Variants in SEC61A2 observed in about 807,000 individuals in gnomAD.
SEC61A2 encodes the protein SEC61 translocon subunit alpha 2, also known as protein transport protein Sec61 subunit alpha isoform 2.
SEC61A2 carries 28 observed loss-of-function variants against 59.9 expected under a neutral mutation model. That is an observed-to-expected ratio of 0.47 (90% CI 0.35 to 0.64). The LOEUF is 0.64. Among genes scored for constraint, SEC61A2 ranks in the 30% least tolerant of loss-of-function variants. The probability of loss-of-function intolerance (pLI) is 0.01; values close to 1 mark genes in which losing one functional copy is unlikely to be tolerated. For missense variants in SEC61A2, 340 were observed against 585.9 expected, an observed-to-expected ratio of 0.58 and a Z score of 4.33; for synonymous variants, 202 against 214.4, an observed-to-expected ratio of 0.94 and a Z score of 0.50.
rs760913947 is a variant in SEC61A2 at position 12,133,196 on chromosome 10, T to G, written c.8-45T>G. ...ATTTTCTAGAAAGACAGATCTTTTT[T>G]TAACTTCATAATAATAGGAACATTT... On this transcript the variant is annotated intron_variant, in intron 1 of 11. Transcript: ENST00000298428. The G allele has an allele frequency of 1.3e-5, 13 of 979,108 alleles. No individual in the cohort carries two copies. The South Asian group carries it at 1.8e-4, about 13-fold the overall frequency. 60.7% of individuals were successfully genotyped at this position (979,108 alleles called of 1,614,324 possible). A position where few individuals can be genotyped will look rare whatever the true frequency, so the allele number is the denominator to read the frequency against.
downstream of SEC61A2, chr10:12,169,727 A>G (rs985753642): frequency 4.5e-6 from 1 of 223,652 alleles, no homozygotes; most frequent in East Asian, 1.0e-4. This position sits in a 1 kb window ranked among gnomAD's most constrained non-coding sequence, Gnocchi z 4.8. Flanking sequence ...CAGCCTTTGA[A>G]AGACACATTC....
chr10:12,167,173 T>A (rs1167988816), downstream of SEC61A2: 2 of 159,418 alleles, frequency 1.3e-5, no homozygotes, highest in African/African-American at 4.8e-5. Context: ...TAGAGGATTC[T>A]ATCGAACCCT....
rs1457353681 is a variant in SEC61A2 at position 12,160,067 on chromosome 10, G to A, written c.976-863G>A. ...CGAGGACAGGAAAGTCAAGAGACAGGAATAAGAAGAATGCTGTTTCTGCCC... is the reference window on the plus strand; with the variant it reads ...CGAGGACAGGAAAGTCAAGAGACAGAAATAAGAAGAATGCTGTTTCTGCCC... On this transcript the variant is annotated intron_variant, in intron 9 of 11. Transcript: ENST00000298428. The surrounding 1 kb of genome is among the most constrained non-coding windows in gnomAD (Gnocchi z 4.1). Among the ~76,000 whole-genome samples the A allele has an allele frequency of 6.6e-6, 1 of 152,092 alleles. No homozygotes were observed. The highest frequency in any genetic ancestry group is 2.4e-5 in the African/African-American group (1 of 41,382).
At position 12,154,450 on chromosome 10, in the gene SEC61A2, T is replaced by C. The variant is rs1383537639; in HGVS notation, c.463-1328T>C. On this transcript the variant is annotated intron_variant, in intron 6 of 11. Transcript: ENST00000298428. The surrounding 1 kb of genome is among the most constrained non-coding windows in gnomAD (Gnocchi z 5.2). ...CGATGCTTTCTGTGGCTGATGTTCA[T>C]GGACGGCTGTTGCCTCCTGCATAGG... is the stretch of plus-strand genomic sequence containing the variant. Among the ~76,000 whole-genome samples the C allele has an allele frequency of 6.6e-6, 1 of 152,196 alleles. No homozygotes were observed. The highest frequency in any genetic ancestry group is 2.4e-5 in the African/African-American group (1 of 41,448).
chr10:12,169,208 C>A, downstream of SEC61A2: 1 of 1,254,566 alleles, frequency 8.0e-7, no homozygotes, highest in Non-Finnish European at 1.1e-6. The surrounding 1 kb of genome is among the most constrained non-coding windows in gnomAD (Gnocchi z 4.8). Flanking sequence ...CCATAGTAGC[C>A]CTCTCTCCAC....
chr10:12,130,439 G>A (rs939066971), intron 1 of SEC61A2, among the ~76,000 whole-genome samples: 1 of 152,118 alleles, frequency 6.6e-6, no homozygotes, highest in African/African-American at 2.4e-5. Flanking sequence ...ATGATGGGTC[G>A]TGCATACCCA....
Position 12,153,801 on chromosome 10 carries a change from C to A in SEC61A2, c.463-1977C>A, listed in dbSNP as rs1834337157. On this transcript the variant is annotated intron_variant, in intron 6 of 11. Transcript: ENST00000298428. This position sits in a 1 kb window ranked among gnomAD's most constrained non-coding sequence, Gnocchi z 5.2. Reference sequence around the variant, plus strand: ...GCTATGATTGGATCAGTGTGTTTCACCCAGAAACATAGGTTTTGAAAACTG... The same window carrying A: ...GCTATGATTGGATCAGTGTGTTTCAACCAGAAACATAGGTTTTGAAAACTG... 1 of 1,603,198 alleles carries A rather than the reference C, an allele frequency of 6.2e-7. No individual in the cohort carries two copies. The highest frequency in any genetic ancestry group is 8.5e-7 in the Non-Finnish European group (1 of 1,176,026).
chr10:12,139,583 G>A (rs1335838509), intron 3 of SEC61A2, among the ~76,000 whole-genome samples: 1 of 152,030 alleles, frequency 6.6e-6, no homozygotes, highest in South Asian at 2.1e-4. Context: ...AGGAGATCGA[G>A]ACCATCCTGG....
At position 12,145,243 on chromosome 10, in the gene SEC61A2, G is replaced by GT. The variant is rs144631095; in HGVS notation, c.220+2055dup. ...AGGTTCCTTTCTTGTCATATATTAC[G>GT]TTTTTTTCCCCCCGATTTTATATCA... On this transcript the variant is annotated intron_variant, in intron 4 of 11. Transcript: ENST00000298428. The surrounding 1 kb of genome is among the most constrained non-coding windows in gnomAD (Gnocchi z 4.4). Among the ~76,000 whole-genome samples the GT allele has an allele frequency of 0.016, 2,456 of 152,046 alleles. 71 individuals carry two copies. Among genetic ancestry groups the GT allele is most frequent in the East Asian group, 0.11 (565 of 5,182 alleles).
Position 12,143,243 on chromosome 10 carries a change from T to C in SEC61A2, c.220+48T>C, listed in dbSNP as rs1234884320. On this transcript the variant is annotated intron_variant, in intron 4 of 11. Transcript: ENST00000298428. This position sits in a 1 kb window ranked among gnomAD's most constrained non-coding sequence, Gnocchi z 4.8. ...CACACTCCTACTCACAGCAAACAGA[T>C]GGAAACATGTGGATTAGCAATGAGT... 1.6e-6 allele frequency: 2 copies of C among 1,284,424 alleles called. No individual in the cohort carries two copies. Among genetic ancestry groups the C allele is most frequent in the Non-Finnish European group, 2.3e-6 (2 of 879,810 alleles). The allele number at this position is 1,284,424 out of a possible 1,614,324, so 79.6% of individuals were successfully genotyped here.
chr10:12,152,807 G>A lies in SEC61A2; in HGVS notation c.462+2846G>A, dbSNP rs776082171. Among the ~76,000 whole-genome samples the A allele has an allele frequency of 6.6e-6, 1 of 151,936 alleles. No homozygotes were observed. Among genetic ancestry groups the A allele is most frequent in the Non-Finnish European group, 1.5e-5 (1 of 67,852 alleles). On this transcript the variant is annotated intron_variant, in intron 6 of 11. Transcript: ENST00000298428. This position sits in a 1 kb window ranked among gnomAD's most constrained non-coding sequence, Gnocchi z 5.5. ...ATTTGGGAGGCTGAGGCCGAACCCA[G>A]GAGGCGGAGGTTGCAGTGAGCTGAG...
At chr10:12,163,811 T>C (rs1198946253) in intron 11 of SEC61A2, among the ~76,000 whole-genome samples, 1 of 152,204 alleles carries the variant, frequency 6.6e-6, no homozygotes, top group Non-Finnish European at 1.5e-5. Flanking sequence ...CTCTAATCTT[T>C]TTTGAGTATT....
intron 3 of SEC61A2, among the ~76,000 whole-genome samples, chr10:12,139,770 C>T (rs1588632460): frequency 6.6e-6 from 1 of 151,686 alleles, no homozygotes; most frequent in African/African-American, 2.4e-5. Context: ...GGCGACAGAG[C>T]GAGACTCCGT....
chr10:12,159,757 G>C (rs554520418), intron 9 of SEC61A2, among the ~76,000 whole-genome samples: 8 of 152,180 alleles, frequency 5.3e-5, no homozygotes, highest in Non-Finnish European at 1.0e-4. Context: ...TCTAGAATTT[G>C]CACCCCACCA....
In SEC61A2 at chr10:12,164,423, A is replaced by C. The variant is rs2131686077; in HGVS notation, c.1400A>C (p.Glu467Ala). Residue 467 changes from glutamate to alanine, a missense_variant, in exon 12 of 12, where the codon GAA becomes GCA. By Grantham distance (107) the Glu-to-Ala change is moderately radical (BLOSUM62 -1). This residue lies in a region of SEC61A2 where 283 missense variants were observed against 483.2 expected (regional missense o/e 0.59). Transcript: ENST00000298428. This position sits in a 1 kb window ranked among gnomAD's most constrained non-coding sequence, Gnocchi z 7.3. ...YFEIFVKEQA[E>A]VGGMGALFF ...GAAATATTTGTTAAAGAACAGGCCGAAGTTGGTGGGATGGGTGCTTTGTTT... is the reference window on the plus strand; with the variant it reads ...GAAATATTTGTTAAAGAACAGGCCGCAGTTGGTGGGATGGGTGCTTTGTTT... 6.2e-7 allele frequency: 1 copy of C among 1,613,196 alleles called. No individual in the cohort carries two copies. The highest frequency in any genetic ancestry group is 8.5e-7 in the Non-Finnish European group (1 of 1,179,622).
intron 8 of SEC61A2, 112 bp downstream of exon 8, chr10:12,157,179 G>C: frequency 1.8e-6 from 2 of 1,101,406 alleles, no homozygotes; most frequent in South Asian, 3.2e-5. Flanking sequence ...AAGATCAAGG[G>C]AAATAAAATT....
rs902177179 is a variant in SEC61A2, at chr10:12,165,403, T to C, written c.*949T>C. ...TTGGAAAAAATAAAGAAATCTGATA[T>C]TAAACGTTTTCTAAGATCATTTGTA... On this transcript the variant is annotated 3_prime_UTR_variant, in exon 12 of 12. Coordinates refer to ENST00000298428, the MANE Select transcript of SEC61A2 (RefSeq NM_018144.4). The C allele has an allele frequency of 7.4e-6, 7 of 950,298 alleles. No homozygotes were observed. Among genetic ancestry groups the C allele is most frequent in the African/African-American group, 3.5e-5 (2 of 56,472 alleles). The allele number at this position is 950,298 out of a possible 1,614,324, so 58.9% of individuals were successfully genotyped here. A position where few individuals can be genotyped will look rare whatever the true frequency, so the allele number is the denominator to read the frequency against.
chr10:12,159,105 G>A (rs1834473155), intron 9 of SEC61A2, among the ~76,000 whole-genome samples: 2 of 151,392 alleles, frequency 1.3e-5, no homozygotes, highest in African/African-American at 4.9e-5. Context: ...AGCCTCCCAA[G>A]TAGCTGGGAC....
In SEC61A2 at chr10:12,161,412, A is replaced by C. The variant is rs1015855844; in HGVS notation, c.1167+291A>C. On this transcript the variant is annotated intron_variant, in intron 10 of 11. Coordinates refer to ENST00000298428, the MANE Select transcript of SEC61A2 (RefSeq NM_018144.4). This position sits in a 1 kb window ranked among gnomAD's most constrained non-coding sequence, Gnocchi z 5.4. ...CAGTGAGCCAAGATTGCACCACTGCACTCCAGCCTGGGTGACAGAGCGAGA... is the reference window on the plus strand; with the variant it reads ...CAGTGAGCCAAGATTGCACCACTGCCCTCCAGCCTGGGTGACAGAGCGAGA... Among the ~76,000 whole-genome samples, 7 of 152,102 alleles carry C rather than the reference A, an allele frequency of 4.6e-5. No homozygotes were observed. The highest frequency in any genetic ancestry group is 1.7e-4 in the African/African-American group (7 of 41,414).
Sources: allele counts gnomAD v4.1 joint callset (sites outside exome capture counted in the v4.1 genomes callset), GRCh38; gene constraint gnomAD v4.1.1; regional missense constraint gnomAD v4.1.1; non-coding constraint Gnocchi (gnomAD v3.1); transcripts MANE v1.5; gene names NCBI Gene and HGNC (gene_info 2026-07-23, HGNC 2026-07-21).